PCDH15: variants seen among roughly 807,000 people sequenced by gnomAD.
PCDH15 encodes the protein protocadherin related 15.
Under a neutral mutation model 178.5 loss-of-function variants are expected in PCDH15, and 129 were observed. The observed-to-expected ratio is 0.72, with a 90% CI of 0.63 to 0.84. The LOEUF is 0.84. Ranked by LOEUF, PCDH15 falls within the 40% of genes least tolerant of loss-of-function variation. The probability of loss-of-function intolerance (pLI) is 0.00; values close to 1 mark genes in which losing one functional copy is unlikely to be tolerated. For synonymous variants in PCDH15, 800 were observed against 732.0 expected (o/e 1.09, Z -1.50); for missense variants, 2,230 against 2,099.9 (o/e 1.06, Z -1.21).
chr10:54,482,321 G>C (rs1042917132), intron 3 of PCDH15, among the ~76,000 whole-genome samples: 24 of 151,772 alleles, frequency 1.6e-4, no homozygotes, highest in African/African-American at 4.6e-4. Context: ...AAAAGGGTGA[G>C]TGCAATGACA....
chr10:54,619,575 G>T lies in PCDH15; in HGVS notation c.91+44597C>A, dbSNP rs561334598. ...TAAATACTGGGAGTGAGGAATGGTGGAATGCAGAGATGTTAAGCAGAGGGA... is the reference window on the plus strand; with the variant it reads ...TAAATACTGGGAGTGAGGAATGGTGTAATGCAGAGATGTTAAGCAGAGGGA... On this transcript the variant is annotated intron_variant, in intron 2 of 37. Transcript: ENST00000644397. 2.6e-5 allele frequency among the ~76,000 whole-genome samples: 4 copies of T among 152,082 alleles called. No individual in the cohort carries two copies. The South Asian group carries it at 8.3e-4, about 32-fold the overall frequency.
At chr10:54,687,935 GT>G (rs1318833328) in intron 1 of PCDH15, among the ~76,000 whole-genome samples, 2 of 151,844 alleles carry the variant, frequency 1.3e-5, no homozygotes, top group African/African-American at 2.4e-5. Context: ...GTCAAGCCAG[GT>G]AAAAAAGCCC....
chr10:54,909,816 C>A (rs753029964), intron 2 of PCDH15, among the ~76,000 whole-genome samples: 3 of 152,066 alleles, frequency 2.0e-5, no homozygotes, highest in Non-Finnish European at 4.4e-5. Flanking sequence ...CTTGGGGGCC[C>A]TTCTCTGCTC....
intron 2 of PCDH15, among the ~76,000 whole-genome samples, chr10:55,439,071 G>A (rs1839117375): frequency 6.6e-6 from 1 of 151,544 alleles, no homozygotes. Flanking sequence ...GCTAATTTTT[G>A]TTTTTGTATT....
chr10:55,159,970 C>G (rs1348041534), intron 2 of PCDH15, among the ~76,000 whole-genome samples: 1 of 151,670 alleles, frequency 6.6e-6, no homozygotes, highest in South Asian at 2.1e-4. Flanking sequence ...TCTCATAAAA[C>G]ACTTAAACAT....
At chr10:54,780,288 T>C (rs1950231789) in intron 1 of PCDH15, among the ~76,000 whole-genome samples, 1 of 152,142 alleles carries the variant, frequency 6.6e-6, no homozygotes, top group African/African-American at 2.4e-5. Flanking sequence ...TTATATGCAA[T>C]GGACAGTTAT....
chr10:55,209,107 G>A (rs1458438018), intron 1 of PCDH15, among the ~76,000 whole-genome samples: 2 of 152,046 alleles, frequency 1.3e-5, no homozygotes, highest in Non-Finnish European at 2.9e-5. Flanking sequence ...AAAAAGAAAA[G>A]CGTCAAGTGA....
chr10:53,884,131 C>G (rs1424757844), intron 26 of PCDH15, among the ~76,000 whole-genome samples: 2 of 152,200 alleles, frequency 1.3e-5, no homozygotes, highest in African/African-American at 4.8e-5. Flanking sequence ...CTTTGGCCAA[C>G]TTGCTCTAAA....
At chr10:54,650,337 T>G (rs954514106) in intron 2 of PCDH15, among the ~76,000 whole-genome samples, 1 of 152,172 alleles carries the variant, frequency 6.6e-6, no homozygotes, top group Non-Finnish European at 1.5e-5. Flanking sequence ...AGTTCCCTGT[T>G]TCTTTATAGT....
chr10:55,235,515 T>A (rs991325686), intron 1 of PCDH15, among the ~76,000 whole-genome samples: 1 of 152,068 alleles, frequency 6.6e-6, no homozygotes, highest in African/African-American at 2.4e-5. Flanking sequence ...TAAGATACCG[T>A]ATTATGCTAT....
intron 1 of PCDH15, among the ~76,000 whole-genome samples, chr10:55,218,998 G>A (rs143643134): frequency 2.0e-5 from 3 of 152,038 alleles, no homozygotes; most frequent in African/African-American, 7.2e-5. Flanking sequence ...TCATTCACAG[G>A]AAAATGAGTC....
intron 1 of PCDH15, among the ~76,000 whole-genome samples, chr10:54,675,330 T>C (rs1214796111): frequency 6.6e-6 from 1 of 151,998 alleles, no homozygotes; most frequent in Admixed American, 6.6e-5. Context: ...AGGAATACTT[T>C]ACTACTTATT....
At chr10:55,334,707 T>C (rs2132314812) in intron 2 of PCDH15, among the ~76,000 whole-genome samples, 1 of 152,278 alleles carries the variant, frequency 6.6e-6, no homozygotes, top group Middle Eastern at 3.4e-3. Context: ...GAATGTCTAG[T>C]TTTCCACAAT....
chr10:55,091,968 T>C lies in PCDH15; in HGVS notation c.-80+74608A>G, dbSNP rs142901094. On this transcript the variant is annotated intron_variant, in intron 2 of 5. Coordinates refer to the PCDH15 transcript ENST00000458638. ...GTAAAACCAAGATTTTGGTTTGCTA[T>C]GTTATAATTTGATATTAAAATATGA... 2.0e-4 allele frequency among the ~76,000 whole-genome samples: 30 copies of C among 152,058 alleles called. No homozygotes were observed. The East Asian group carries it at 5.8e-3, about 29-fold the overall frequency.
intron 3 of PCDH15, among the ~76,000 whole-genome samples, chr10:54,807,827 A>G (rs1465340169): frequency 6.6e-6 from 1 of 151,246 alleles, no homozygotes; most frequent in Non-Finnish European, 1.5e-5. Flanking sequence ...TTGATCACAT[A>G]AAGCTTTTAT....
intron 2 of PCDH15, among the ~76,000 whole-genome samples, chr10:55,373,287 GAA>G (rs906387437): frequency 6.6e-6 from 1 of 152,106 alleles, no homozygotes; most frequent in Non-Finnish European, 1.5e-5. Context: ...TACAGGAGTA[GAA>G]AAATCCATGG....
At chr10:54,762,778 C>T (rs1333251008) in intron 1 of PCDH15, among the ~76,000 whole-genome samples, 4 of 151,892 alleles carry the variant, frequency 2.6e-5, no homozygotes, top group African/African-American at 9.7e-5. Context: ...TTTTAAAGTG[C>T]AATCATAAAA....
intron 2 of PCDH15, among the ~76,000 whole-genome samples, chr10:55,414,431 G>A (rs1340301806): frequency 6.6e-6 from 1 of 151,544 alleles, no homozygotes; most frequent in South Asian, 2.1e-4. Flanking sequence ...GAAAGGAATT[G>A]CATTAAATTT....
chr10:54,104,060 T>C (rs2094863590), intron 15 of PCDH15, among the ~76,000 whole-genome samples: 1 of 152,160 alleles, frequency 6.6e-6, no homozygotes, highest in African/African-American at 2.4e-5. Flanking sequence ...AACAGGAGTG[T>C]TGGGGCTGGC....
Sources: allele counts gnomAD v4.1 joint callset (sites outside exome capture counted in the v4.1 genomes callset), GRCh38; gene constraint gnomAD v4.1.1; transcripts MANE v1.5; gene names NCBI Gene and HGNC (gene_info 2026-07-23, HGNC 2026-07-21).